The following FARS2 variants were observed in gnomAD, a reference collection of about 807,000 sequenced individuals.
FARS2 encodes phenylalanine--tRNA ligase, mitochondrial.
FARS2 carries 40 observed loss-of-function variants against 46.4 expected under a neutral mutation model. The ratio of observed to expected loss-of-function variants is 0.86; its 90% CI spans 0.67 to 1.12. FARS2 has a LOEUF of 1.12. FARS2 is among the 50% of genes most tolerant of loss of function. The probability of loss-of-function intolerance (pLI) is 0.00; values close to 1 mark genes in which losing one functional copy is unlikely to be tolerated. For synonymous variants in FARS2, 234 were observed against 214.9 expected (o/e 1.09, Z -0.78); for missense variants, 513 against 567.9 (o/e 0.90, Z 0.98).
chr6:5,608,004 T>G (rs1774943380), intron 5 of FARS2, among the ~76,000 whole-genome samples: 2 of 150,760 alleles, frequency 1.3e-5, no homozygotes, highest in Admixed American at 6.6e-5. Context: ...TTTTTTAGTT[T>G]CCAAATATAT....
chr6:5,402,872 A>G (rs936241543), intron 2 of FARS2, among the ~76,000 whole-genome samples: 5 of 152,008 alleles, frequency 3.3e-5, no homozygotes, highest in Non-Finnish European at 7.4e-5. Context: ...TGTAACTTAC[A>G]CTTTCTGGGT....
intron 3 of FARS2, 114 bp downstream of exon 3, chr6:5,404,815 C>T (rs1342868774): frequency 4.0e-6 from 3 of 750,246 alleles, no homozygotes; most frequent in Non-Finnish European, 5.8e-6. Flanking sequence ...TTTTTTTTTC[C>T]CCGAGACGGA....
At chr6:5,551,269 T>C (rs1771358735) in intron 5 of FARS2, among the ~76,000 whole-genome samples, 1 of 152,194 alleles carries the variant, frequency 6.6e-6, no homozygotes, top group African/African-American at 2.4e-5. Flanking sequence ...TCCACTAACA[T>C]GTTCCTCATT....
Position 5,624,821 on chromosome 6 carries a change from G to A in FARS2, c.1217+11501G>A, listed in dbSNP as rs540977550. On this transcript the variant is annotated intron_variant, in intron 6 of 6. Coordinates refer to ENST00000274680, the MANE Select transcript of FARS2 (RefSeq NM_006567.5). ...TGGCAGAAATGGGGTAGGGTGGGGC[G>A]GCCCCGCCCCCGCCCCCTCATTTTG... 2.9e-4 allele frequency among the ~76,000 whole-genome samples: 44 copies of A among 152,168 alleles called. 1 individual carries two copies. In the East Asian group the frequency reaches 7.4e-3, roughly 26 times the overall value.
chr6:5,723,974 C>T (rs866863387), intron 6 of FARS2, among the ~76,000 whole-genome samples: 2 of 151,098 alleles, frequency 1.3e-5, no homozygotes, highest in South Asian at 2.1e-4. Context: ...GCGGTGGCCA[C>T]GCTGGGCTGT....
At chr6:5,441,360 C>G (rs190258036) in intron 4 of FARS2, among the ~76,000 whole-genome samples, 1 of 152,136 alleles carries the variant, frequency 6.6e-6, no homozygotes, top group Non-Finnish European at 1.5e-5. Flanking sequence ...CTGTCAGTTT[C>G]TTCACTCCTT....
At chr6:5,616,010 T>TAAAAAAAAAAAAAAAAAAAAAAAAAAAAA (rs11327256) in intron 6 of FARS2, among the ~76,000 whole-genome samples, 1 of 95,830 alleles carries the variant, frequency 1.0e-5, no homozygotes, top group Non-Finnish European at 2.1e-5. Flanking sequence ...CCATAGCTCT[T>TAAAAAAAAAAAAAAAAAAAAAAAAAAAAA]AAAAAAAAAA....
chr6:5,372,781 A>G (rs1214834768), intron 2 of FARS2, among the ~76,000 whole-genome samples: 3 of 152,192 alleles, frequency 2.0e-5, no homozygotes, highest in Admixed American at 6.5e-5. Flanking sequence ...CACTGTTAAC[A>G]TTAGAAAAAC....
intron 1 of FARS2, among the ~76,000 whole-genome samples, chr6:5,280,076 A>G (rs1012946632): frequency 3.9e-5 from 6 of 152,168 alleles, no homozygotes; most frequent in Non-Finnish European, 8.8e-5. Context: ...TCCTCTATCT[A>G]TGAGCTGTCT....
chr6:5,663,883 C>T (rs572808610), intron 6 of FARS2, among the ~76,000 whole-genome samples: 1 of 152,326 alleles, frequency 6.6e-6, no homozygotes, highest in Non-Finnish European at 1.5e-5. Context: ...CTACTGTGCG[C>T]ACCTGGGCTG....
At chr6:5,483,603 G>T (rs1468763034) in intron 4 of FARS2, among the ~76,000 whole-genome samples, 4 of 152,112 alleles carry the variant, frequency 2.6e-5, no homozygotes, top group Non-Finnish European at 5.9e-5. Flanking sequence ...GGAGGCAGAG[G>T]TTGCAGTGAG....
At position 5,752,181 on chromosome 6, in the gene FARS2, G is replaced by A. The variant is rs190330258; in HGVS notation, c.1218-19110G>A. On this transcript the variant is annotated intron_variant, in intron 6 of 6. Coordinates refer to ENST00000274680, the MANE Select transcript of FARS2 (RefSeq NM_006567.5). ...GTGTCCAGCGCTCTGTTTCTCCCCC[G>A]CCCCCATCAGAAATCTGTGCAAAAT... Among the ~76,000 whole-genome samples the A allele has an allele frequency of 3.9e-5, 6 of 152,050 alleles. No homozygotes were observed. In the East Asian group the frequency reaches 9.7e-4, roughly 24 times the overall value.
At chr6:5,360,815 T>TCAC (rs1324105368) in intron 1 of FARS2, among the ~76,000 whole-genome samples, 7 of 152,254 alleles carry the variant, frequency 4.6e-5, no homozygotes, top group African/African-American at 1.7e-4. Flanking sequence ...AGTTTAAAAT[T>TCAC]TATGATGTTA....
At chr6:5,448,996 C>T (rs563364482) in intron 4 of FARS2, among the ~76,000 whole-genome samples, 7 of 152,102 alleles carry the variant, frequency 4.6e-5, no homozygotes, top group East Asian at 1.9e-4. Flanking sequence ...GATAGTTGCA[C>T]GTGAAAGATC....
At chr6:5,540,410 G>A (rs375529498) in intron 4 of FARS2, among the ~76,000 whole-genome samples, 1 of 152,292 alleles carries the variant, frequency 6.6e-6, no homozygotes, top group East Asian at 1.9e-4. Flanking sequence ...GAAGCATTTA[G>A]TGCTTTTTTT....
chr6:5,603,656 C>T (rs1467341086), intron 5 of FARS2, among the ~76,000 whole-genome samples: 3 of 152,220 alleles, frequency 2.0e-5, no homozygotes, highest in Non-Finnish European at 4.4e-5. Context: ...GCTTCATCTG[C>T]AGGTGGTGTG....
upstream of FARS2, among the ~76,000 whole-genome samples, chr6:5,256,489 TGGAAAAAAAAAAAA>T (rs1561907020): frequency 1.9e-4 from 2 of 10,496 alleles, 1 homozygote; most frequent in Non-Finnish European, 2.8e-4. Flanking sequence ...AGATTTCAAC[TGGAAAAAAAAAAAA>T]AAAAAAAAAA....
chr6:5,723,954 A>G (rs142284904), intron 6 of FARS2, among the ~76,000 whole-genome samples: 1,837 of 130,640 alleles, frequency 0.014, 50 homozygotes, highest in African/African-American at 0.045. Context: ...CAGAGGAAAC[A>G]CCCTGCAGAG....
chr6:5,525,707 A>G (rs1332185019), intron 4 of FARS2, among the ~76,000 whole-genome samples: 1 of 152,268 alleles, frequency 6.6e-6, no homozygotes. Flanking sequence ...CCCTTAAGAT[A>G]CTTGGGAATA....
Sources: allele counts gnomAD v4.1 joint callset (sites outside exome capture counted in the v4.1 genomes callset), GRCh38; gene constraint gnomAD v4.1.1; transcripts MANE v1.5; gene names NCBI Gene and HGNC (gene_info 2026-07-23, HGNC 2026-07-21).